DST: variants seen among roughly 807,000 people sequenced by gnomAD.
DST encodes bullous pemphigoid antigen.
DST carries 253 observed loss-of-function variants against 875.2 expected under a neutral mutation model. That is an observed-to-expected ratio of 0.29 (90% CI 0.26 to 0.32). The LOEUF (loss-of-function observed/expected upper bound fraction) is 0.32, where lower values mean the gene tolerates loss of function less well. Among genes scored for constraint, DST ranks in the 10% least tolerant of loss-of-function variants. DST has a pLI of 1.00. For missense variants in DST, 8,287 were observed against 9,111.6 expected, an observed-to-expected ratio of 0.91 and a Z score of 3.68; for synonymous variants, 3,124 against 3,197.1, an observed-to-expected ratio of 0.98 and a Z score of 0.77.
intron 4 of DST, among the ~76,000 whole-genome samples, chr6:56,826,105 G>T (rs2099780172): frequency 6.6e-6 from 1 of 152,236 alleles, no homozygotes; most frequent in African/African-American, 2.4e-5. Flanking sequence ...GCAAGGCAGT[G>T]TCTTCTCATC....
intron 57 of DST, among the ~76,000 whole-genome samples, chr6:56,560,694 T>C (rs1051273282): frequency 6.6e-6 from 1 of 151,990 alleles, no homozygotes; most frequent in African/African-American, 2.4e-5. Context: ...TTTCATATAT[T>C]CAAACAAGCC....
chr6:56,558,195 T>C (rs1220937528), intron 58 of DST, among the ~76,000 whole-genome samples: 1 of 152,186 alleles, frequency 6.6e-6, no homozygotes, highest in African/African-American at 2.4e-5. Flanking sequence ...CTCCTTTACA[T>C]TCTCAATGCC....
chr6:56,463,961 C>T (rs1043283638), intron 100 of DST, 197 bp from the exon 101 acceptor site: 3 of 701,964 alleles, frequency 4.3e-6, no homozygotes, highest in Non-Finnish European at 7.8e-6. Flanking sequence ...CTTTTGGATA[C>T]AGGTGAGTTC....
chr6:56,639,218 T>C (rs749764719), intron 22 of DST, 41 bp downstream of exon 22: 13 of 1,464,936 alleles, frequency 8.9e-6, no homozygotes, highest in East Asian at 2.3e-5. Context: ...GAAATAATCA[T>C]ATCAATATTC....
intron 10 of DST, among the ~76,000 whole-genome samples, chr6:56,652,381 G>C (rs1377507806): frequency 2.6e-5 from 4 of 152,102 alleles, no homozygotes; most frequent in Admixed American, 2.6e-4. Context: ...TCAAAGAGTG[G>C]TACTCACCAC....
In DST at chr6:56,604,810, G is replaced by A. The variant is rs972168431; in HGVS notation, c.9818C>T (p.Ser3273Leu). The change falls in exon 40 of 104, where the codon TCA becomes TTA. Residue 3273 changes from serine to leucine, a missense_variant. By Grantham distance (145) the Ser-to-Leu change is moderately radical. Transcript: ENST00000680361. ...TTCTACATGTTTACGAGATAATATT[G>A]AAAGTGTGGCTTCAATACTTTCTGG... ...FTPESIEATLSILSRKHVEDV... is the reference protein window; with the variant it reads ...FTPESIEATLLILSRKHVEDV... The A allele has an allele frequency of 1.2e-6, 2 of 1,612,720 alleles. No homozygotes were observed. The highest frequency in any genetic ancestry group is 1.7e-6 in the Non-Finnish European group (2 of 1,179,268).
chr6:56,578,862 C>G lies in DST; in HGVS notation c.12979G>C (p.Ala4327Pro). Reference protein sequence around the residue: ...LKKTAEVLLDARGSLLPAKND... With the variant: ...LKKTAEVLLDPRGSLLPAKND... ...TTGGCTGGAAGTAAAGATCCCCTGG[C>G]ATCTAAAAGCACTTCAGCCGTTTTC... Residue 4327 changes from alanine to proline, a missense_variant, in exon 50 of 104, where the codon GCC (alanine) becomes CCC (proline). Physicochemically the swap from Ala to Pro is conservative, Grantham distance 27. Transcript: ENST00000680361. 6.2e-7 allele frequency: 1 copy of G among 1,610,968 alleles called. No individual in the cohort carries two copies. The highest frequency in any genetic ancestry group is 8.5e-7 in the Non-Finnish European group (1 of 1,178,566).
At chr6:56,472,281 G>T (rs1367588535) in intron 93 of DST, 59 bp from the exon 94 acceptor site, 18 of 1,524,996 alleles carry the variant, frequency 1.2e-5, no homozygotes, top group Non-Finnish European at 1.6e-5. Flanking sequence ...ATGTGTTAAG[G>T]CTTGACCTTT....
intron 33 of DST, among the ~76,000 whole-genome samples, 176 bp from the exon 34 acceptor site, chr6:56,627,463 G>A (rs1459020723): frequency 7.2e-5 from 11 of 152,132 alleles, no homozygotes; most frequent in Admixed American, 7.2e-4. Context: ...TTAAGCCACA[G>A]AAGTGACCCA....
At chr6:56,793,172 G>C (rs2099733895) in intron 4 of DST, among the ~76,000 whole-genome samples, 1 of 151,270 alleles carries the variant, frequency 6.6e-6, no homozygotes, top group South Asian at 2.1e-4. Flanking sequence ...GTGGGGAAGA[G>C]CTAGAAGTTA....
intron 79 of DST, 68 bp from the exon 80 acceptor site, chr6:56,501,303 A>C: frequency 6.8e-7 from 1 of 1,463,848 alleles, no homozygotes; most frequent in Non-Finnish European, 9.1e-7. Context: ...CTATAAAACA[A>C]GGACAAAAAT....
At chr6:56,494,564 C>A (rs1177356708) in intron 82 of DST, among the ~76,000 whole-genome samples, 1 of 152,076 alleles carries the variant, frequency 6.6e-6, no homozygotes, top group Non-Finnish European at 1.5e-5. Context: ...TCGTAGATCC[C>A]TCCTTGTACT....
At chr6:56,540,324 C>A (rs1412084798) in intron 61 of DST, 1 of 152,618 alleles carries the variant, frequency 6.6e-6, no homozygotes, top group South Asian at 2.1e-4. Flanking sequence ...AATATTCCTG[C>A]CTGGGCCCCT....
rs1280416571 is a variant in DST, at chr6:56,469,086, ACT to A, written c.22552-89_22552-88del. On this transcript the variant is annotated intron_variant, in intron 97 of 103. Coordinates refer to ENST00000680361, the MANE Select transcript of DST (RefSeq NM_001374736.1). ...CTCTAGAACATACACACATACTCAC[ACT>A]CTGTGCTTCTGGATGTAGTATCTAG... is the stretch of plus-strand genomic sequence containing the variant. 7.8e-6 allele frequency: 8 copies of A among 1,021,484 alleles called. No homozygotes were observed. In the East Asian group the frequency reaches 1.1e-4, roughly 14 times the overall value. The allele number at this position is 1,021,484 out of a possible 1,614,324, so 63.3% of individuals were successfully genotyped here. A position where few individuals can be genotyped will look rare whatever the true frequency, so the allele number is the denominator to read the frequency against.
rs147317437 is a variant in DST, at chr6:56,604,202, C to T, written c.10426G>A (p.Glu3476Lys). Residue 3476 changes from glutamate to lysine, a missense_variant, in exon 40 of 104, where the codon GAG (glutamate) becomes AAG (lysine). Transcript: ENST00000680361. ...ACTTTAGACGTAATGCCTCTTTTCT[C>T]TAGGTCATACTCCATATGAGTTAAT... ...RELTHMEYDL[E>K]KRGITSKVLP... The T allele has an allele frequency of 2.7e-5, 44 of 1,605,200 alleles. No homozygotes were observed. The East Asian group carries it at 9.4e-4, about 34-fold the overall frequency.
chr6:56,710,090 C>T (rs1486912186), intron 5 of DST, among the ~76,000 whole-genome samples: 1 of 152,084 alleles, frequency 6.6e-6, no homozygotes, highest in Non-Finnish European at 1.5e-5. Context: ...ATATCTCTGA[C>T]CAATATAAAA....
chr6:56,728,759 C>T (rs188650510), intron 5 of DST, among the ~76,000 whole-genome samples: 33 of 152,182 alleles, frequency 2.2e-4, no homozygotes, highest in Non-Finnish European at 5.9e-5. Flanking sequence ...CTGAACTGGT[C>T]CTTGCCCTCG....
intron 78 of DST, among the ~76,000 whole-genome samples, chr6:56,502,044 T>A (rs1353922537): frequency 6.6e-6 from 1 of 152,100 alleles, no homozygotes; most frequent in Non-Finnish European, 1.5e-5. Flanking sequence ...AAATGAAACA[T>A]ATGTTGACAC....
intron 4 of DST, among the ~76,000 whole-genome samples, chr6:56,839,568 A>T (rs561684710): frequency 6.6e-6 from 1 of 152,298 alleles, no homozygotes; most frequent in African/African-American, 2.4e-5. Flanking sequence ...CTGGAAGCCA[A>T]ATGAAAACCA....
Sources: gnomAD v4.1 joint callset for allele counts (sites outside exome capture counted in the v4.1 genomes callset) on GRCh38, gnomAD v4.1.1 for gene constraint, MANE v1.5 for transcripts, NCBI Gene and HGNC (gene_info 2026-07-23, HGNC 2026-07-21) for gene names.